NAV3: variants seen among roughly 807,000 people sequenced by gnomAD.
The protein encoded by NAV3 is pore membrane and/or filament interacting like protein 1.
A neutral mutation model predicts 244.7 loss-of-function variants in NAV3; 87 were observed. The observed-to-expected ratio is 0.36, with a 90% CI of 0.30 to 0.42. The LOEUF (loss-of-function observed/expected upper bound fraction) is 0.42, where lower values mean the gene tolerates loss of function less well. NAV3 is among the 20% of genes least tolerant of loss of function. NAV3 has a pLI of 1.00. For synonymous variants in NAV3, 1,126 were observed against 1,042.2 expected, an observed-to-expected ratio of 1.08 and a Z score of -1.55; for missense variants, 2,663 against 2,893.3, an observed-to-expected ratio of 0.92 and a Z score of 1.83.
chr12:77,702,743 A>G (rs757519582), intron 2 of NAV3, among the ~76,000 whole-genome samples: 5 of 152,018 alleles, frequency 3.3e-5, no homozygotes, highest in Non-Finnish European at 7.4e-5. Flanking sequence ...TTTTATACAC[A>G]TTAGAAATTC....
At chr12:78,074,252 C>T (rs417596) in intron 12 of NAV3, among the ~76,000 whole-genome samples, 9,522 of 152,222 alleles carry the variant, frequency 0.063, 294 homozygotes, top group Admixed American at 0.079. Context: ...ATTTTATAGA[C>T]TTCTGGAAAA....
chr12:78,199,469 C>T lies in NAV3; in HGVS notation c.6653C>T (p.Pro2218Leu), dbSNP rs1247275572. The change falls in exon 37 of 40, where the codon CCG becomes CTG. Residue 2218 changes from proline to leucine, a missense_variant. By Grantham distance (98) the Pro-to-Leu change is moderately conservative. This residue lies in a region of NAV3 where 543 missense variants were observed against 672.4 expected (regional missense o/e 0.81). Coordinates refer to ENST00000397909, the MANE Select transcript of NAV3 (RefSeq NM_001024383.2). ...NDLVKIIDWI[P>L]KTWHHLNSFL... ...CTAGTCAAAATTATAGATTGGATTC[C>T]GAAGACGTGGCATCATCTCAACAGT... The T allele has an allele frequency of 3.1e-6, 5 of 1,609,394 alleles. No individual in the cohort carries two copies. Among genetic ancestry groups the T allele is most frequent in the Non-Finnish European group, 4.2e-6 (5 of 1,178,116 alleles).
chr12:77,784,460 G>A (rs1870813324), intron 2 of NAV3, among the ~76,000 whole-genome samples: 1 of 152,338 alleles, frequency 6.6e-6, no homozygotes, highest in South Asian at 2.1e-4. Context: ...GAGATTGAAA[G>A]ACTGTGAAAT....
At chr12:78,195,709 AC>A (rs977011004) in intron 34 of NAV3, among the ~76,000 whole-genome samples, 3 of 151,948 alleles carry the variant, frequency 2.0e-5, no homozygotes, top group Admixed American at 2.0e-4. Flanking sequence ...TGTGCCTACC[AC>A]CCCACTCAGG....
chr12:77,920,950 T>C (rs57994035), intron 1 of NAV3, among the ~76,000 whole-genome samples: 54,799 of 151,792 alleles, frequency 0.36, 10,401 homozygotes, highest in African/African-American at 0.47. Flanking sequence ...GGGAATAGAG[T>C]GGCTGTGGGT....
At chr12:77,811,297 T>C (rs1047292829) in intron 2 of NAV3, among the ~76,000 whole-genome samples, 9 of 152,150 alleles carry the variant, frequency 5.9e-5, no homozygotes, top group South Asian at 2.1e-4. Context: ...CCAGGTTTTG[T>C]AGCATACAAA....
chr12:78,209,513 T>G lies in NAV3; in HGVS notation c.7039-885T>G, dbSNP rs1038160142. 2.6e-5 allele frequency among the ~76,000 whole-genome samples: 4 copies of G among 152,008 alleles called. No individual in the cohort carries two copies. In the East Asian group the frequency reaches 5.8e-4, roughly 22 times the overall value. ...GTGCTTTCTAAAATCATTGAACCAT[T>G]TATTCACAATTTGCCTTTAAACACT... On this transcript the variant is annotated intron_variant, in intron 39 of 39. Coordinates refer to ENST00000397909, the MANE Select transcript of NAV3 (RefSeq NM_001024383.2).
rs181232570 is a variant in NAV3, at chr12:77,811,850, A to G, written c.73-128469A>G. On this transcript the variant is annotated intron_variant, in intron 2 of 8. Transcript: ENST00000550042. ...CACAAAACTAAGCATTTTAAAGTGA[A>G]CAATTCAGTGACATTAATACATTCA... Among the ~76,000 whole-genome samples, 5 of 152,344 alleles carry G rather than the reference A, an allele frequency of 3.3e-5. No individual in the cohort carries two copies. The East Asian group carries it at 5.8e-4, about 18-fold the overall frequency.
At chr12:78,177,849 C>G (rs71462127) in intron 28 of NAV3, among the ~76,000 whole-genome samples, 164 bp downstream of exon 28, 3 of 152,012 alleles carry the variant, frequency 2.0e-5, no homozygotes, top group Non-Finnish European at 4.4e-5. Context: ...AACCTGCAAT[C>G]CAGTTTTCTT....
chr12:77,819,661 G>A (rs915033576), intron 2 of NAV3, among the ~76,000 whole-genome samples: 6 of 151,980 alleles, frequency 3.9e-5, no homozygotes, highest in African/African-American at 1.4e-4. Flanking sequence ...AAAATATTTA[G>A]CAAGACAATA....
At chr12:78,032,110 T>C (rs1879099961) in intron 9 of NAV3, among the ~76,000 whole-genome samples, 1 of 152,166 alleles carries the variant, frequency 6.6e-6, no homozygotes, top group Admixed American at 6.5e-5. Context: ...CCTCTACTTT[T>C]GAGTTATGTA....
chr12:78,055,906 A>G (rs1163352200), intron 11 of NAV3, among the ~76,000 whole-genome samples: 7 of 152,190 alleles, frequency 4.6e-5, no homozygotes, highest in African/African-American at 1.7e-4. Flanking sequence ...AAATGCTGTT[A>G]TAGACTTTGT....
intron 8 of NAV3, among the ~76,000 whole-genome samples, chr12:78,016,593 C>G (rs1462144143): frequency 6.6e-6 from 1 of 152,176 alleles, no homozygotes; most frequent in African/African-American, 2.4e-5. Flanking sequence ...AATAGGAAAG[C>G]AAGCACATTA....
chr12:77,966,419 G>T (rs1892519458), intron 4 of NAV3, 118 bp downstream of exon 4: 7 of 808,924 alleles, frequency 8.7e-6, no homozygotes, highest in Non-Finnish European at 1.4e-5. Context: ...AAGGAAATTG[G>T]TGAAGTCTTC....
At chr12:78,090,434 C>T (rs942049738) in intron 12 of NAV3, among the ~76,000 whole-genome samples, 1 of 151,988 alleles carries the variant, frequency 6.6e-6, no homozygotes, top group African/African-American at 2.4e-5. Flanking sequence ...TTTCTACTAA[C>T]ATTAACCATA....
chr12:78,164,237 A>G (rs1215307657), intron 23 of NAV3, among the ~76,000 whole-genome samples: 1 of 152,080 alleles, frequency 6.6e-6, no homozygotes, highest in Non-Finnish European at 1.5e-5. Context: ...ATGTTAAGGT[A>G]TGAGGGGTTT....
rs1427781656 is a variant in NAV3 at position 78,177,321 on chromosome 12, G to A, written c.5297+8G>A. 1.3e-5 allele frequency: 20 copies of A among 1,596,862 alleles called. No homozygotes were observed. Among genetic ancestry groups the A allele is most frequent in the Non-Finnish European group, 1.7e-5 (20 of 1,174,950 alleles). ...CTCACAATCTGCTTCAGCGTAAGTT[G>A]CTCCTTCTGCAAAATGCAGACATAT... On this transcript the variant is annotated splice_region_variant and intron_variant, in intron 27 of 39. Coordinates refer to ENST00000397909, the MANE Select transcript of NAV3 (RefSeq NM_001024383.2).
intron 2 of NAV3, among the ~76,000 whole-genome samples, chr12:77,646,893 G>A (rs1231500605): frequency 6.6e-6 from 1 of 152,020 alleles, no homozygotes; most frequent in African/African-American, 2.4e-5. Context: ...TCTTGAAGTG[G>A]CCCATCAATT....
At chr12:77,872,587 C>A (rs768221419) in intron 1 of NAV3, among the ~76,000 whole-genome samples, 2 of 152,058 alleles carry the variant, frequency 1.3e-5, no homozygotes, top group Non-Finnish European at 2.9e-5. Flanking sequence ...TAGGACAGAA[C>A]CACTAGTTCA....
Sources: gnomAD v4.1 joint callset for allele counts (sites outside exome capture counted in the v4.1 genomes callset) on GRCh38, gnomAD v4.1.1 for gene constraint, gnomAD v4.1.1 regional missense constraint, MANE v1.5 for transcripts, NCBI Gene and HGNC (gene_info 2026-07-23, HGNC 2026-07-21) for gene names.